The following VRK2 variants were observed in gnomAD, a reference collection of about 807,000 sequenced individuals.
VRK2 encodes serine/threonine-protein kinase VRK2.
VRK2 carries 60 observed loss-of-function variants against 57.6 expected under a neutral mutation model. That is an observed-to-expected ratio of 1.04 (90% CI 0.85 to 1.29). The LOEUF is 1.29. Ranked by LOEUF, VRK2 falls within the 50% of genes most tolerant of loss-of-function variation. VRK2 has a pLI of 0.00. For missense variants in VRK2, 705 were observed against 588.1 expected, an observed-to-expected ratio of 1.20 and a Z score of -2.06; for synonymous variants, 231 against 199.2, an observed-to-expected ratio of 1.16 and a Z score of -1.35.
chr2:58,137,565 G>A (rs988089392), intron 10 of VRK2, among the ~76,000 whole-genome samples: 5 of 151,864 alleles, frequency 3.3e-5, no homozygotes, highest in Non-Finnish European at 7.4e-5. Context: ...TTACATGAAG[G>A]TCTCTTAAAT....
At chr2:58,076,945 A>T (rs1329788481) in intron 2 of VRK2, among the ~76,000 whole-genome samples, 2 of 152,098 alleles carry the variant, frequency 1.3e-5, no homozygotes, top group African/African-American at 4.8e-5. Context: ...ATTATAAAAT[A>T]GCACATAGTA....
chr2:57,959,995 G>T (rs964405009), intron 1 of VRK2, among the ~76,000 whole-genome samples: 2 of 149,376 alleles, frequency 1.3e-5, no homozygotes, highest in African/African-American at 5.0e-5. Flanking sequence ...AAATTGGGAT[G>T]TGTGTGCATG....
At chr2:57,985,613 C>T (rs138973857) in intron 1 of VRK2, among the ~76,000 whole-genome samples, 386 of 152,072 alleles carry the variant, frequency 2.5e-3, no homozygotes, top group Non-Finnish European at 4.0e-3. Context: ...ACTGGTGAAA[C>T]ACTGAATGAT....
intron 1 of VRK2, among the ~76,000 whole-genome samples, chr2:57,985,714 G>T (rs1040364715): frequency 6.6e-6 from 1 of 151,926 alleles, no homozygotes; most frequent in Non-Finnish European, 1.5e-5. Context: ...CAGTAGGCAA[G>T]AAGGCAACAA....
intron 1 of VRK2, among the ~76,000 whole-genome samples, chr2:57,940,404 C>A (rs2103954291): frequency 6.6e-6 from 1 of 152,192 alleles, no homozygotes. Context: ...TGGTGCCCAC[C>A]CACGCTGAGG....
intron 1 of VRK2, among the ~76,000 whole-genome samples, chr2:57,915,611 T>C (rs1221117641): frequency 6.6e-6 from 1 of 152,226 alleles, no homozygotes; most frequent in Non-Finnish European, 1.5e-5. Flanking sequence ...ACTAGAAATC[T>C]TCATGAACAA....
At chr2:57,938,691 T>G (rs1394288411) in intron 1 of VRK2, among the ~76,000 whole-genome samples, 1 of 152,054 alleles carries the variant, frequency 6.6e-6, no homozygotes, top group Non-Finnish European at 1.5e-5. Flanking sequence ...TGAAAGCCTG[T>G]TTCTCTCATA....
intron 2 of VRK2, among the ~76,000 whole-genome samples, chr2:58,072,355 G>C (rs1197709744): frequency 6.6e-6 from 1 of 151,940 alleles, no homozygotes; most frequent in African/African-American, 2.4e-5. Flanking sequence ...CCAGTCTTAA[G>C]ATGAAAGCAT....
At chr2:58,028,093 C>G (rs1380438082) in intron 2 of VRK2, among the ~76,000 whole-genome samples, 1 of 152,136 alleles carries the variant, frequency 6.6e-6, no homozygotes, top group Non-Finnish European at 1.5e-5. Flanking sequence ...GGTCTTTAAT[C>G]TAGATGGAAA....
intron 7 of VRK2, among the ~76,000 whole-genome samples, chr2:58,111,792 A>G (rs1675608754): frequency 6.6e-6 from 1 of 152,140 alleles, no homozygotes; most frequent in Non-Finnish European, 1.5e-5. Flanking sequence ...TTTCACAGAA[A>G]AAAAAAGGTA....
At chr2:58,029,589 T>C (rs1355773427) in intron 2 of VRK2, among the ~76,000 whole-genome samples, 1 of 152,180 alleles carries the variant, frequency 6.6e-6, no homozygotes, top group Non-Finnish European at 1.5e-5. Context: ...TGTCTTCTTT[T>C]CTTAGCCACA....
intron 1 of VRK2, among the ~76,000 whole-genome samples, chr2:57,990,087 A>G (rs1256784947): frequency 6.6e-6 from 1 of 152,236 alleles, no homozygotes; most frequent in Non-Finnish European, 1.5e-5. Context: ...TATTAAGAAA[A>G]AATAAAAATA....
chr2:58,153,066 C>G (rs1573432199), intron 12 of VRK2, among the ~76,000 whole-genome samples: 2 of 151,968 alleles, frequency 1.3e-5, no homozygotes, highest in East Asian at 3.9e-4. Flanking sequence ...ACACTCTCTT[C>G]CCAATCCTAA....
At chr2:58,146,069 G>A (rs1285785546) in intron 11 of VRK2, among the ~76,000 whole-genome samples, 1 of 151,944 alleles carries the variant, frequency 6.6e-6, no homozygotes, top group African/African-American at 2.4e-5. Flanking sequence ...TGTGAATAGT[G>A]CCGTAAGAAA....
chr2:58,035,217 T>C (rs559442503), intron 3 of VRK2, among the ~76,000 whole-genome samples: 7 of 152,092 alleles, frequency 4.6e-5, no homozygotes, highest in East Asian at 1.9e-4. Context: ...GTTGCTACCA[T>C]AGAATTATTT....
intron 2 of VRK2, among the ~76,000 whole-genome samples, chr2:58,077,519 ATT>A (rs3836116): frequency 6.7e-6 from 1 of 148,650 alleles, no homozygotes; most frequent in African/African-American, 2.5e-5. Context: ...CGTCTCCTCC[ATT>A]TTTTTTTTAA....
At chr2:57,940,818 G>A (rs369107949) in intron 1 of VRK2, among the ~76,000 whole-genome samples, 28 of 151,600 alleles carry the variant, frequency 1.8e-4, no homozygotes, top group East Asian at 1.7e-3. Context: ...ATTACTTCAC[G>A]TAGAAATATT....
At chr2:57,925,001 A>G (rs1385086643) in intron 1 of VRK2, among the ~76,000 whole-genome samples, 1 of 151,956 alleles carries the variant, frequency 6.6e-6, no homozygotes, top group Non-Finnish European at 1.5e-5. Flanking sequence ...TGTTGATATG[A>G]TGTATCACAT....
At chr2:57,957,375 A>G (rs1671618501) in intron 1 of VRK2, among the ~76,000 whole-genome samples, 1 of 152,000 alleles carries the variant, frequency 6.6e-6, no homozygotes, top group African/African-American at 2.4e-5. Context: ...TTCCAGTGAT[A>G]GTGAAGGATT....
Sources: gnomAD v4.1 joint callset for allele counts (sites outside exome capture counted in the v4.1 genomes callset) on GRCh38, gnomAD v4.1.1 for gene constraint, MANE v1.5 for transcripts, NCBI Gene and HGNC (gene_info 2026-07-23, HGNC 2026-07-21) for gene names.